CNGA1: variants seen among roughly 807,000 people sequenced by gnomAD.
CNGA1 encodes the protein cyclic nucleotide-gated channel alpha-1.
A neutral mutation model predicts 69.7 loss-of-function variants in CNGA1; 53 were observed. That is an observed-to-expected ratio of 0.76 (90% CI 0.61 to 0.96). The LOEUF is 0.96. Ranked by LOEUF, CNGA1 falls within the 40% of genes least tolerant of loss-of-function variation. The pLI is 0.00. For missense variants in CNGA1, 739 were observed against 811.2 expected, an observed-to-expected ratio of 0.91 and a Z score of 1.08; for synonymous variants, 249 against 283.5, an observed-to-expected ratio of 0.88 and a Z score of 1.22.
chr4:48,003,430 G>C (rs948971091), intron 2 of CNGA1, among the ~76,000 whole-genome samples: 1 of 152,132 alleles, frequency 6.6e-6, no homozygotes, highest in African/African-American at 2.4e-5. Flanking sequence ...GGAGCCCCAA[G>C]ATATATTTTC....
In CNGA1 at chr4:47,955,351, T is replaced by A. The variant is rs1291973325; in HGVS notation, c.-14-2648A>T. Reference sequence around the variant, plus strand: ...GCGCCCACCACCACGCCTGGCTAATTTTTGTATTTTTACTAGAGACAGGGT... The same window carrying A: ...GCGCCCACCACCACGCCTGGCTAATATTTGTATTTTTACTAGAGACAGGGT... On this transcript the variant is annotated intron_variant, in intron 3 of 10. Coordinates refer to ENST00000514170, the MANE Select transcript of CNGA1 (RefSeq NM_001379270.1). Among the ~76,000 whole-genome samples the A allele has an allele frequency of 2.0e-5, 3 of 151,826 alleles. No individual in the cohort carries two copies. In the East Asian group the frequency reaches 5.8e-4, roughly 29 times the overall value.
chr4:48,004,512 G>A (rs145743679), intron 2 of CNGA1, among the ~76,000 whole-genome samples: 100 of 152,254 alleles, frequency 6.6e-4, no homozygotes, highest in African/African-American at 7.9e-4. Context: ...AAGAAAATGC[G>A]TCTCTAGTCT....
chr4:47,943,699 C>T (rs1027032419), intron 6 of CNGA1, among the ~76,000 whole-genome samples: 5 of 151,914 alleles, frequency 3.3e-5, no homozygotes, highest in Non-Finnish European at 5.9e-5. Context: ...AACAACAGCC[C>T]CCCAAGAGTG....
At chr4:47,977,895 C>G (rs569974659) in intron 3 of CNGA1, among the ~76,000 whole-genome samples, 1 of 151,172 alleles carries the variant, frequency 6.6e-6, no homozygotes, top group South Asian at 2.1e-4. Flanking sequence ...GGCACGATCT[C>G]GGCTCACTGC....
intron 3 of CNGA1, among the ~76,000 whole-genome samples, chr4:47,967,988 A>G (rs1740816773): frequency 6.6e-6 from 1 of 152,130 alleles, no homozygotes; most frequent in Non-Finnish European, 1.5e-5. Context: ...AAAAAAAAAA[A>G]TACACATGCC....
Position 47,937,209 on chromosome 4 carries a change from C to A in CNGA1, c.1273G>T (p.Asp425Tyr), listed in dbSNP as rs767025982. 4.3e-6 allele frequency: 7 copies of A among 1,614,132 alleles called. No homozygotes were observed. Among genetic ancestry groups the A allele is most frequent in the Non-Finnish European group, 5.1e-6 (6 of 1,180,022 alleles). ...CATTTAATAACCCTCTTTTCCATATCTTTGCTTACATTTCGAAAATGCATA... is the reference window on the plus strand; with the variant it reads ...CATTTAATAACCCTCTTTTCCATATATTTGCTTACATTTCGAAAATGCATA... ...QYMHFRNVSKDMEKRVIKWFD... is the reference protein window; with the variant it reads ...QYMHFRNVSKYMEKRVIKWFD... Residue 425 changes from aspartate (D) to tyrosine (Y), a missense_variant, in exon 11 of 11, where the codon GAT becomes TAT. Coordinates refer to ENST00000514170, the MANE Select transcript of CNGA1 (RefSeq NM_001379270.1).
chr4:47,962,476 T>A (rs1255892284), intron 3 of CNGA1, among the ~76,000 whole-genome samples: 1 of 152,200 alleles, frequency 6.6e-6, no homozygotes, highest in Non-Finnish European at 1.5e-5. Context: ...AATAATTTAC[T>A]TGACAATTTA....
At chr4:47,947,409 T>C (rs1313282467) in intron 6 of CNGA1, among the ~76,000 whole-genome samples, 1 of 152,144 alleles carries the variant, frequency 6.6e-6, no homozygotes, top group Non-Finnish European at 1.5e-5. Context: ...GTCCGATGGC[T>C]CAAGCCTGTA....
chr4:47,970,831 A>C (rs1740975209), intron 3 of CNGA1: 8 of 399,082 alleles, frequency 2.0e-5, no homozygotes, highest in Non-Finnish European at 4.1e-5. Context: ...TCTTTTTGGA[A>C]GGAAAAAAAA....
intron 3 of CNGA1, among the ~76,000 whole-genome samples, chr4:47,955,167 T>C (rs1305888716): frequency 2.4e-5 from 3 of 127,640 alleles, no homozygotes; most frequent in East Asian, 4.9e-4. Flanking sequence ...GTCTCTTTTT[T>C]CTTTTCTTTT....
chr4:47,941,847 T>C (rs1339600409), intron 9 of CNGA1, among the ~76,000 whole-genome samples, 194 bp downstream of exon 9: 1 of 151,992 alleles, frequency 6.6e-6, no homozygotes, highest in African/African-American at 2.4e-5. Context: ...GCAGACCCAA[T>C]TATATTGAGA....
intron 3 of CNGA1, among the ~76,000 whole-genome samples, chr4:47,965,552 G>A (rs1432854860): frequency 6.6e-6 from 1 of 151,364 alleles, no homozygotes; most frequent in Non-Finnish European, 1.5e-5. Context: ...TCAGCCTCCC[G>A]AGTAGCTGGG....
chr4:48,003,540 T>A (rs1578126521), intron 2 of CNGA1, among the ~76,000 whole-genome samples: 1 of 152,136 alleles, frequency 6.6e-6, no homozygotes, highest in Non-Finnish European at 1.5e-5. Flanking sequence ...AAATATAAAA[T>A]AAGAATAGTT....
rs577607918 is a variant in CNGA1 at position 48,004,793 on chromosome 4, T to G, written c.-123+6001A>C. On this transcript the variant is annotated intron_variant, in intron 2 of 10. Transcript: ENST00000514170. ...GTTGTTGTTATTTTCTTCTGAAGTTTAAGTTGTCTAGCTTCTGTTCACAGG... is the reference window on the plus strand; with the variant it reads ...GTTGTTGTTATTTTCTTCTGAAGTTGAAGTTGTCTAGCTTCTGTTCACAGG... Among the ~76,000 whole-genome samples the G allele has an allele frequency of 3.3e-5, 5 of 151,926 alleles. No individual in the cohort carries two copies. In the South Asian group the frequency reaches 1.0e-3, roughly 32 times the overall value.
At position 47,936,750 on chromosome 4, in the gene CNGA1, T is replaced by C; in HGVS notation, c.1732A>G (p.Met578Val). The change falls in exon 11 of 11, where the codon ATG becomes GTG. Residue 578 changes from methionine to valine, a missense_variant. Transcript: ENST00000514170. The part of the protein sequence containing the change: ...DLFCLSKDDL[M>V]EALTEYPDAK... ...TCTGGGTACTCAGTTAGAGCTTCCA[T>C]GAGGTCATCTTTTGAGAGACAGAAC... 1 of 1,614,178 alleles carries C rather than the reference T, an allele frequency of 6.2e-7. No homozygotes were observed. Among genetic ancestry groups the C allele is most frequent in the South Asian group, 1.1e-5 (1 of 91,084 alleles).
intron 1 of CNGA1, among the ~76,000 whole-genome samples, chr4:48,014,201 A>G (rs974579001): frequency 2.6e-5 from 4 of 152,180 alleles, no homozygotes; most frequent in Non-Finnish European, 5.9e-5. Flanking sequence ...AGTTAAACAA[A>G]CAACATGATT....
intron 3 of CNGA1, among the ~76,000 whole-genome samples, chr4:47,957,978 T>C (rs1197992547): frequency 6.8e-6 from 1 of 146,184 alleles, no homozygotes; most frequent in African/African-American, 2.5e-5. Context: ...CACTGCAACC[T>C]CCACCTCCCG....
In CNGA1 at chr4:47,952,676, A is replaced by T. The variant is rs1259820486; in HGVS notation, c.14T>A (p.Ile5Asn). 2 of 1,602,676 alleles carry T rather than the reference A, an allele frequency of 1.2e-6. No homozygotes were observed. Among genetic ancestry groups the T allele is most frequent in the Non-Finnish European group, 1.7e-6 (2 of 1,172,998 alleles). The change falls in exon 4 of 11, where the codon ATT (isoleucine) becomes AAT (asparagine). Residue 5 changes from isoleucine to asparagine, a missense_variant. Transcript: ENST00000514170. Reference protein sequence around the residue: MKNNIINTQQSFVTM... With the variant: MKNNNINTQQSFVTM... ...TACAAAAGACTGCTGTGTATTGATA[A>T]TATTGTTCTTCATGGATAGTTTCAT...
At chr4:48,007,865 T>A (rs776047901) in intron 2 of CNGA1, among the ~76,000 whole-genome samples, 5 of 152,134 alleles carry the variant, frequency 3.3e-5, no homozygotes, top group Non-Finnish European at 7.4e-5. Flanking sequence ...ATTGTTAGCA[T>A]CAGGCCACAA....
Sources: allele counts gnomAD v4.1 joint callset (sites outside exome capture counted in the v4.1 genomes callset), GRCh38; gene constraint gnomAD v4.1.1; transcripts MANE v1.5; gene names NCBI Gene and HGNC (gene_info 2026-07-23, HGNC 2026-07-21).